The following NID2 variants were observed in gnomAD, a reference collection of about 807,000 sequenced individuals.
The protein encoded by NID2 is nidogen 2, also known as nidogen-2.
NID2 carries 83 observed loss-of-function variants against 145.4 expected under a neutral mutation model. The ratio of observed to expected loss-of-function variants is 0.57; its 90% CI spans 0.48 to 0.69. The LOEUF (loss-of-function observed/expected upper bound fraction) is 0.69. Ranked by LOEUF, NID2 falls within the 30% of genes least tolerant of loss-of-function variation. The pLI is 0.00. For synonymous variants in NID2, 739 were observed against 701.3 expected, an observed-to-expected ratio of 1.05 and a Z score of -0.85; for missense variants, 1,807 against 1,765.7, an observed-to-expected ratio of 1.02 and a Z score of -0.42.
intron 5 of NID2, among the ~76,000 whole-genome samples, chr14:52,050,382 C>CCAGTTTTTT (rs1198695287): frequency 2.0e-5 from 3 of 152,180 alleles, no homozygotes; most frequent in African/African-American, 4.8e-5. Context: ...CACATTCTCC[C>CCAGTTTTTT]TCTCAGACTT....
At chr14:52,063,666 TA>T (rs1893092145) in intron 2 of NID2, among the ~76,000 whole-genome samples, 1 of 152,210 alleles carries the variant, frequency 6.6e-6, no homozygotes, top group Admixed American at 6.5e-5. Flanking sequence ...GTGACTCTTA[TA>T]GGGGTCACAA....
rs770850270 is a variant in NID2 at position 52,019,304 on chromosome 14, T to A, written c.2795-10A>T. ...AGGCTTGAGGTGGAGTCTTCCAGGA[T>A]CAAGGCAGAGGAAGACACAAAAGAG... On this transcript the variant is annotated splice_polypyrimidine_tract_variant and intron_variant, in intron 13 of 21. Coordinates refer to ENST00000216286, the MANE Select transcript of NID2 (RefSeq NM_007361.4). 1 of 1,568,782 alleles carries A rather than the reference T, an allele frequency of 6.4e-7. No homozygotes were observed. Among genetic ancestry groups the A allele is most frequent in the Non-Finnish European group, 8.7e-7 (1 of 1,149,122 alleles).
At chr14:52,054,964 G>A (rs986880914) in intron 3 of NID2, among the ~76,000 whole-genome samples, 3 of 152,276 alleles carry the variant, frequency 2.0e-5, no homozygotes, top group African/African-American at 4.8e-5. Context: ...ATGTAGGAAT[G>A]TTTCATCCTT....
At chr14:52,023,256 C>A (rs1229230549) in intron 12 of NID2, among the ~76,000 whole-genome samples, 1 of 151,950 alleles carries the variant, frequency 6.6e-6, no homozygotes, top group Non-Finnish European at 1.5e-5. Context: ...GGGGGTAGAT[C>A]GATTGAGCTC....
At chr14:52,022,961 A>G (rs780658178) in intron 12 of NID2, among the ~76,000 whole-genome samples, 1 of 152,130 alleles carries the variant, frequency 6.6e-6, no homozygotes, top group Admixed American at 6.5e-5. Context: ...TCTACTGCAC[A>G]ATCTGTTCAA....
chr14:52,062,422 C>T (rs1288674150), intron 2 of NID2, among the ~76,000 whole-genome samples: 1 of 152,220 alleles, frequency 6.6e-6, no homozygotes, highest in Non-Finnish European at 1.5e-5. Flanking sequence ...GAAGCCACAA[C>T]TACTGCCAAA....
At chr14:52,055,284 C>A (rs1465170004) in intron 3 of NID2, among the ~76,000 whole-genome samples, 3 of 152,160 alleles carry the variant, frequency 2.0e-5, no homozygotes, top group Non-Finnish European at 2.9e-5. Context: ...GAAAACCATA[C>A]CACACACTGC....
chr14:52,050,732 C>G (rs771490239), intron 5 of NID2, among the ~76,000 whole-genome samples: 18 of 152,100 alleles, frequency 1.2e-4, no homozygotes, highest in Admixed American at 6.6e-4. Context: ...CTCAGTCTCC[C>G]GAGTAGCTAG....
intron 5 of NID2, among the ~76,000 whole-genome samples, chr14:52,053,030 C>G (rs774936381): frequency 5.3e-5 from 8 of 152,128 alleles, no homozygotes; most frequent in Non-Finnish European, 8.8e-5. Flanking sequence ...AGCCATGAAC[C>G]AGAAATGACA....
chr14:52,008,934 A>T (rs919455737), intron 18 of NID2: 1 of 152,348 alleles, frequency 6.6e-6, no homozygotes, highest in African/African-American at 2.4e-5. Context: ...CATAACAGAT[A>T]CTAACGAGGA....
rs753104850 is a variant in NID2, at chr14:52,040,747, T to C, written c.1930A>G (p.Ile644Val). The part of the protein sequence containing the change: ...EGLDPENYLS[I>V]KTNIQGQVPY... The stretch of plus-strand genomic sequence containing the variant: ...ACCTGGCCTTGAATGTTGGTCTTAA[T>C]GCTCAGGTAGTTCTCTGGGTCAAGT... The change falls in exon 8 of 22, where the codon ATT (isoleucine) becomes GTT (valine). Residue 644 changes from isoleucine to valine, a missense_variant. Coordinates refer to ENST00000216286, the MANE Select transcript of NID2 (RefSeq NM_007361.4). The C allele has an allele frequency of 6.2e-7, 1 of 1,614,210 alleles. No individual in the cohort carries two copies. Among genetic ancestry groups the C allele is most frequent in the Non-Finnish European group, 8.5e-7 (1 of 1,180,026 alleles).
chr14:52,028,628 C>G (rs1891682525), intron 11 of NID2, 94 bp downstream of exon 11: 1 of 1,376,662 alleles, frequency 7.3e-7, no homozygotes, highest in East Asian at 2.4e-5. Context: ...TATAGCAGAG[C>G]CTCTGAATAG....
rs1051068 is a variant in NID2, at chr14:52,068,865, C to G, written c.130G>C (p.Gly44Arg). Residue 44 changes from glycine to arginine, a missense_variant, in exon 1 of 22, where the codon GGG becomes CGG. Gly to Arg is a moderately radical substitution (Grantham distance 125, BLOSUM62 -2). Coordinates refer to ENST00000216286, the MANE Select transcript of NID2 (RefSeq NM_007361.4). ...DELFPHGESW[G>R]DQLLQEGDDE... ...TCGCCTTCCTGCAGGAGCTGGTCCC[C>G]CCACGACTCCCCGTGTGGGAAGAGC... 1 of 1,613,792 alleles carries G rather than the reference C, an allele frequency of 6.2e-7. No individual in the cohort carries two copies. Among genetic ancestry groups the G allele is most frequent in the African/African-American group, 1.3e-5 (1 of 74,952 alleles).
At chr14:52,041,619 A>G (rs889811084) in intron 7 of NID2, among the ~76,000 whole-genome samples, 1 of 152,118 alleles carries the variant, frequency 6.6e-6, no homozygotes, top group African/African-American at 2.4e-5. Context: ...CTGCTGAACC[A>G]GAATTTACAT....
At chr14:52,046,178 C>T (rs1325090933) in intron 5 of NID2, among the ~76,000 whole-genome samples, 2 of 151,950 alleles carry the variant, frequency 1.3e-5, no homozygotes, top group Non-Finnish European at 1.5e-5. Context: ...AAAAAATTAG[C>T]CAGGCGTGGT....
intron 9 of NID2, among the ~76,000 whole-genome samples, chr14:52,030,636 G>GAAAGAGAA (rs1566755963): frequency 4.7e-5 from 6 of 128,694 alleles, no homozygotes; most frequent in Non-Finnish European, 1.0e-4. Context: ...GAGAAAGAAA[G>GAAAGAGAA]AGAAAGAAAA....
intron 6 of NID2, 81 bp from the exon 7 acceptor site, chr14:52,042,431 C>A (rs932285008): frequency 8.8e-6 from 13 of 1,477,954 alleles, no homozygotes; most frequent in Non-Finnish European, 1.1e-5. Flanking sequence ...ATTCCACTGA[C>A]AACTTCCAAA....
At chr14:52,060,924 G>C (rs1359138402) in intron 2 of NID2, among the ~76,000 whole-genome samples, 1 of 152,154 alleles carries the variant, frequency 6.6e-6, no homozygotes, top group East Asian at 1.9e-4. Context: ...ACGAGCATCA[G>C]GGTTATCCTC....
intron 5 of NID2, among the ~76,000 whole-genome samples, chr14:52,047,222 T>C (rs1892532154): frequency 6.6e-6 from 1 of 152,092 alleles, no homozygotes; most frequent in Non-Finnish European, 1.5e-5. Context: ...GTGTAAGAGC[T>C]GTGCAAAGAA....
Sources: gnomAD v4.1 joint callset for allele counts (sites outside exome capture counted in the v4.1 genomes callset) on GRCh38, gnomAD v4.1.1 for gene constraint, MANE v1.5 for transcripts, NCBI Gene and HGNC (gene_info 2026-07-23, HGNC 2026-07-21) for gene names.